Variants in POMK observed in about 807,000 individuals in gnomAD.
The protein encoded by POMK is protein O-mannose kinase, also known as Sugen kinase 196.
Under a neutral mutation model 23.0 loss-of-function variants are expected in POMK, and 19 were observed. The ratio of observed to expected loss-of-function variants is 0.83; its 90% CI spans 0.58 to 1.21. POMK has a LOEUF of 1.21. Among genes scored for constraint, POMK ranks in the 50% most tolerant of loss-of-function variants. The pLI, the probability that POMK is intolerant of heterozygous loss-of-function variation, is 0.00. For missense variants in POMK, 410 were observed against 431.3 expected (o/e 0.95, Z 0.44); for synonymous variants, 173 against 171.6 (o/e 1.01, Z -0.06).
chr8:43,103,494 C>A, intron 3 of POMK, 34 bp from the exon 4 acceptor site: 3 of 1,593,552 alleles, frequency 1.9e-6, no homozygotes, highest in South Asian at 2.2e-5. Context: ...TGAAAGCTGA[C>A]TGTCATGACT....
intron 4 of POMK, among the ~76,000 whole-genome samples, chr8:43,116,920 G>T (rs556963415): frequency 1.5e-4 from 23 of 152,240 alleles, no homozygotes; most frequent in African/African-American, 5.1e-4. Flanking sequence ...GGAGATAGGG[G>T]TAGGGCCATT....
chr8:43,112,607 A>G (rs1811699336), intron 4 of POMK, among the ~76,000 whole-genome samples: 1 of 152,132 alleles, frequency 6.6e-6, no homozygotes, highest in South Asian at 2.1e-4. Context: ...CAAGACACAT[A>G]ATTGTCAGAT....
At chr8:43,121,841 C>T (rs1811922386) in intron 4 of POMK, among the ~76,000 whole-genome samples, 1 of 152,258 alleles carries the variant, frequency 6.6e-6, no homozygotes, top group Non-Finnish European at 1.5e-5. Context: ...GCACCCTCTG[C>T]AGCAGCTCTC....
chr8:43,107,363 T>TA (rs1811563546), intron 4 of POMK, among the ~76,000 whole-genome samples: 2 of 152,214 alleles, frequency 1.3e-5, no homozygotes, highest in Non-Finnish European at 1.5e-5. Context: ...ATTATTTGCA[T>TA]AAAGCGCATC....
chr8:43,120,083 C>T lies in POMK; in HGVS notation c.283-2024C>T, dbSNP rs192501199. On this transcript the variant is annotated intron_variant, in intron 4 of 4. Coordinates refer to ENST00000331373, the MANE Select transcript of POMK (RefSeq NM_032237.5). ...AAAAAAAAATCACCCAGAATCTTAC[C>T]ACATAAAGACAACTAAGGCATTAGC... Among the ~76,000 whole-genome samples the T allele has an allele frequency of 1.9e-3, 291 of 151,858 alleles. 3 individuals carry two copies. Among genetic ancestry groups the T allele is most frequent in the Non-Finnish European group, 1.6e-3 (107 of 67,918 alleles).
intron 2 of POMK, among the ~76,000 whole-genome samples, chr8:43,099,714 C>T (rs918715331): frequency 1.5e-4 from 23 of 152,084 alleles, no homozygotes; most frequent in African/African-American, 5.6e-4. Context: ...CAGAGCTGGG[C>T]GTGGGGTTTG....
chr8:43,102,789 C>T (rs1199204827), intron 3 of POMK, among the ~76,000 whole-genome samples, 189 bp downstream of exon 3: 1 of 152,228 alleles, frequency 6.6e-6, no homozygotes, highest in African/African-American at 2.4e-5. Context: ...GGCTTCTCCG[C>T]AGCCAGGCCC....
chr8:43,113,654 G>T (rs1241679452), intron 4 of POMK, among the ~76,000 whole-genome samples: 2 of 152,250 alleles, frequency 1.3e-5, no homozygotes, highest in Admixed American at 6.5e-5. Flanking sequence ...TGCTGGTGAG[G>T]AGGTGCATTC....
At chr8:43,093,721 T>G (rs929991901) in intron 1 of POMK, among the ~76,000 whole-genome samples, 158 bp downstream of exon 1, 13 of 152,320 alleles carry the variant, frequency 8.5e-5, no homozygotes, top group South Asian at 6.2e-4. Context: ...GCGCTGGGCC[T>G]GAGCGGCCGT....
intron 4 of POMK, among the ~76,000 whole-genome samples, chr8:43,119,795 A>G (rs1027350695): frequency 6.6e-6 from 1 of 152,132 alleles, no homozygotes; most frequent in African/African-American, 2.4e-5. Flanking sequence ...AGGATTAGAG[A>G]GTCTTGAAAG....
chr8:43,112,456 A>G (rs1026524936), intron 4 of POMK, among the ~76,000 whole-genome samples: 2 of 152,248 alleles, frequency 1.3e-5, no homozygotes, highest in Non-Finnish European at 2.9e-5. Flanking sequence ...CCTGAAGGTG[A>G]CGGGGAGAAT....
At chr8:43,114,748 T>C (rs1289159135) in intron 4 of POMK, among the ~76,000 whole-genome samples, 3 of 152,234 alleles carry the variant, frequency 2.0e-5, no homozygotes, top group African/African-American at 7.2e-5. Flanking sequence ...TATTCGGCCA[T>C]CTTGCCCCTT....
At chr8:43,105,122 A>C (rs868833843) in intron 4 of POMK, among the ~76,000 whole-genome samples, 1 of 152,180 alleles carries the variant, frequency 6.6e-6, no homozygotes, top group Non-Finnish European at 1.5e-5. Flanking sequence ...ACCTACTTAC[A>C]GTGTGTAGTT....
intron 2 of POMK, among the ~76,000 whole-genome samples, 152 bp from the exon 3 acceptor site, chr8:43,102,353 G>A (rs1402417215): frequency 6.6e-6 from 1 of 152,206 alleles, no homozygotes; most frequent in Non-Finnish European, 1.5e-5. Context: ...CCACGGCCCT[G>A]CTCTGTCCTG....
At chr8:43,096,959 A>G (rs1321627923) in intron 1 of POMK, among the ~76,000 whole-genome samples, 6 of 152,336 alleles carry the variant, frequency 3.9e-5, no homozygotes, top group African/African-American at 1.4e-4. Context: ...GAAAATAAGC[A>G]TGTATGAGAA....
chr8:43,101,059 G>A (rs1214444177), intron 2 of POMK, among the ~76,000 whole-genome samples: 1 of 152,068 alleles, frequency 6.6e-6, no homozygotes, highest in Non-Finnish European at 1.5e-5. Flanking sequence ...CATCTGTGGG[G>A]TACTGGAATG....
intron 4 of POMK, among the ~76,000 whole-genome samples, chr8:43,109,028 A>G (rs1586674125): frequency 2.0e-5 from 3 of 152,238 alleles, no homozygotes; most frequent in Non-Finnish European, 2.9e-5. Context: ...ACCATTTTCT[A>G]TTTGACAGTG....
chr8:43,094,657 T>C (rs999010239), intron 1 of POMK, among the ~76,000 whole-genome samples: 1 of 152,246 alleles, frequency 6.6e-6, no homozygotes, highest in African/African-American at 2.4e-5. Flanking sequence ...AATGGAATTC[T>C]ACTCTAAACT....
Position 43,122,900 on chromosome 8 carries a change from T to TG in POMK, c.*26dup. ...TGAAAACCAGTCCAGCCAATGAAGG[T>TG]GGGATTGAAGGGCTGAATGGAAGTT... On this transcript the variant is annotated 3_prime_UTR_variant, in exon 5 of 5. Coordinates refer to ENST00000331373, the MANE Select transcript of POMK (RefSeq NM_032237.5). 1.9e-6 allele frequency: 3 copies of TG among 1,580,438 alleles called. No homozygotes were observed. The highest frequency in any genetic ancestry group is 2.6e-6 in the Non-Finnish European group (3 of 1,166,096).
Sources: allele counts gnomAD v4.1 joint callset (sites outside exome capture counted in the v4.1 genomes callset), GRCh38; gene constraint gnomAD v4.1.1; transcripts MANE v1.5; gene names NCBI Gene and HGNC (gene_info 2026-07-23, HGNC 2026-07-21).